The following MET variants were observed in gnomAD, a reference collection of about 807,000 sequenced individuals.
MET encodes MET proto-oncogene, receptor tyrosine kinase, also known as hepatocyte growth factor receptor.
MET carries 48 observed loss-of-function variants against 133.1 expected under a neutral mutation model. The observed-to-expected ratio is 0.36, with a 90% CI of 0.29 to 0.46. The LOEUF (loss-of-function observed/expected upper bound fraction) is 0.46. Among genes scored for constraint, MET ranks in the 20% least tolerant of loss-of-function variants. MET has a pLI of 1.00. For synonymous variants in MET, 628 were observed against 616.5 expected (o/e 1.02, Z -0.28); for missense variants, 1,442 against 1,695.9 (o/e 0.85, Z 2.63).
intron 2 of MET, among the ~76,000 whole-genome samples, chr7:116,728,358 T>C (rs1197468171): frequency 6.6e-6 from 1 of 152,174 alleles, no homozygotes; most frequent in Non-Finnish European, 1.5e-5. Context: ...GAGATACTAT[T>C]TAGAGATCTC....
chr7:116,783,454 C>G lies in MET; in HGVS notation c.3783C>G (p.Thr1261=), dbSNP rs1795213981. 1.2e-6 allele frequency: 2 copies of G among 1,614,114 alleles called. No individual in the cohort carries two copies. The highest frequency in any genetic ancestry group is 2.7e-5 in the African/African-American group (2 of 75,042). ...ALESLQTQKF[T]TKSDVWSFGV... ...AAAGTCTGCAAACTCAAAAGTTTAC[C>G]ACCAAGTCAGATGTGGTAATGTATT... is the stretch of plus-strand genomic sequence containing the variant. Residue 1261 remains threonine (T), a synonymous_variant, in exon 19 of 21, where the codon ACC becomes ACG. Coordinates refer to ENST00000397752, the MANE Select transcript of MET (RefSeq NM_000245.4).
Position 116,782,956 on chromosome 7 carries a change from T to C in MET, c.3633-348T>C, listed in dbSNP as rs138198060. On this transcript the variant is annotated intron_variant, in intron 18 of 20. Transcript: ENST00000397752. ...TAATCAGTTGACAAGCGAAGATTGGTGATTGCTTGGGTAGTTAATTAGCAT... is the reference window on the plus strand; with the variant it reads ...TAATCAGTTGACAAGCGAAGATTGGCGATTGCTTGGGTAGTTAATTAGCAT... 7.5e-4 allele frequency among the ~76,000 whole-genome samples: 114 copies of C among 152,334 alleles called. No homozygotes were observed. In the East Asian group the frequency reaches 0.02, roughly 27 times the overall value.
chr7:116,696,842 C>A (rs572499967), intron 1 of MET, among the ~76,000 whole-genome samples: 1 of 152,334 alleles, frequency 6.6e-6, no homozygotes, highest in South Asian at 2.1e-4. Flanking sequence ...ATACCTGACA[C>A]TCATGTGTCT....
At chr7:116,708,556 A>G (rs1442859159) in intron 2 of MET, among the ~76,000 whole-genome samples, 11 of 152,174 alleles carry the variant, frequency 7.2e-5, no homozygotes, top group Non-Finnish European at 1.5e-5. Context: ...GTGTTTAAAC[A>G]TTCTTTTGAT....
In MET at chr7:116,783,457, C is replaced by A. The variant is rs777402379; in HGVS notation, c.3786C>A (p.Thr1262=). 6.2e-7 allele frequency: 1 copy of A among 1,614,090 alleles called. No homozygotes were observed. The highest frequency in any genetic ancestry group is 2.2e-5 in the East Asian group (1 of 44,838). Residue 1262 remains threonine, a synonymous_variant, in exon 19 of 21, where the codon ACC becomes ACA. Coordinates refer to ENST00000397752, the MANE Select transcript of MET (RefSeq NM_000245.4). ...GTCTGCAAACTCAAAAGTTTACCAC[C>A]AAGTCAGATGTGGTAATGTATTGGT... is the stretch of plus-strand genomic sequence containing the variant. ...LESLQTQKFT[T]KSDVWSFGVL... is the part of the protein sequence containing the mutation.
rs377336878 is a variant in MET, at chr7:116,758,547, C to A, written c.2191C>A (p.Arg731=). 13 of 1,613,716 alleles carry A rather than the reference C, an allele frequency of 8.1e-6. No individual in the cohort carries two copies. Among genetic ancestry groups the A allele is most frequent in the African/African-American group, 8.0e-5 (6 of 74,976 alleles). ...TAAATTGAAAATTGACTTAGCCAACCGAGAGACAAGCATCTTCAGTTACCG... is the reference window on the plus strand; with the variant it reads ...TAAATTGAAAATTGACTTAGCCAACAGAGAGACAAGCATCTTCAGTTACCG... ...AVKLKIDLAN[R]ETSIFSYRED... Residue 731 remains arginine, a synonymous_variant, in exon 9 of 21, where the codon CGA becomes AGA. Coordinates refer to ENST00000397752, the MANE Select transcript of MET (RefSeq NM_000245.4).
At chr7:116,751,265 C>T (rs1793909495) in intron 5 of MET, among the ~76,000 whole-genome samples, 1 of 152,156 alleles carries the variant, frequency 6.6e-6, no homozygotes, top group South Asian at 2.1e-4. Flanking sequence ...AGTTCATGTC[C>T]TTTGCAGGGA....
rs1328454755 is a variant in MET at position 116,740,904 on chromosome 7, G to A, written c.1580G>A (p.Ser527Asn). The stretch of plus-strand genomic sequence containing the variant: ...GGCTGCAGACATTTCCAGTCCTGCA[G>A]TCAATGCCTCTCTGCCCCACCCTTT... ...GLGCRHFQSC[S>N]QCLSAPPFVQ... Residue 527 changes from serine (S) to asparagine (N), a missense_variant, in exon 5 of 21, where the codon AGT (serine) becomes AAT (asparagine). Physicochemically the swap from Ser to Asn is conservative, Grantham distance 46 (BLOSUM62 1). Transcript: ENST00000397752. 1.2e-6 allele frequency: 2 copies of A among 1,614,182 alleles called. No individual in the cohort carries two copies. The highest frequency in any genetic ancestry group is 1.7e-6 in the Non-Finnish European group (2 of 1,180,038).
intron 2 of MET, among the ~76,000 whole-genome samples, chr7:116,721,592 G>C (rs1187134285): frequency 6.6e-6 from 1 of 151,968 alleles, no homozygotes; most frequent in Non-Finnish European, 1.5e-5. Context: ...GTCAATTTTG[G>C]AACTTTCCTG....
intron 2 of MET, among the ~76,000 whole-genome samples, chr7:116,721,230 G>C (rs1049273278): frequency 1.3e-5 from 2 of 152,100 alleles, no homozygotes; most frequent in Non-Finnish European, 2.9e-5. Flanking sequence ...TGTATGTGTC[G>C]AGGAATTTAT....
intron 2 of MET, among the ~76,000 whole-genome samples, chr7:116,728,193 C>A (rs1293825986): frequency 1.3e-5 from 2 of 152,196 alleles, no homozygotes; most frequent in Non-Finnish European, 2.9e-5. Context: ...TTGAATGCCA[C>A]TTGAACCTGA....
chr7:116,786,418 TC>T (rs371083331), intron 19 of MET, among the ~76,000 whole-genome samples: 316 of 152,232 alleles, frequency 2.1e-3, no homozygotes, highest in African/African-American at 7.1e-3. Flanking sequence ...TATTCAGTAG[TC>T]CAAAAGCAAT....
At chr7:116,755,179 T>C (rs999436100) in intron 5 of MET, among the ~76,000 whole-genome samples, 176 bp from the exon 6 acceptor site, 1 of 152,226 alleles carries the variant, frequency 6.6e-6, no homozygotes, top group East Asian at 1.9e-4. Context: ...TTGTTCCAGA[T>C]GCTCTGAAAT....
intron 2 of MET, among the ~76,000 whole-genome samples, chr7:116,702,537 T>C (rs77546020): frequency 0.036 from 5,455 of 152,236 alleles, 328 homozygotes; most frequent in African/African-American, 0.12. Flanking sequence ...CAAAGCTGTT[T>C]AGCAGGACTC....
At chr7:116,757,588 A>G (rs1481127155) in intron 7 of MET, 49 bp downstream of exon 7, 1 of 1,613,174 alleles carries the variant, frequency 6.2e-7, no homozygotes, top group South Asian at 1.1e-5. Context: ...TAATCTATTT[A>G]AATTATAAGA....
intron 15 of MET, among the ~76,000 whole-genome samples, chr7:116,776,109 T>G (rs2117035880): frequency 6.6e-6 from 1 of 152,220 alleles, no homozygotes; most frequent in African/African-American, 2.4e-5. Context: ...TAATACTAAA[T>G]GGCCTCTGAT....
chr7:116,688,824 C>A (rs2116521280), intron 1 of MET, among the ~76,000 whole-genome samples: 1 of 152,178 alleles, frequency 6.6e-6, no homozygotes, highest in South Asian at 2.1e-4. Flanking sequence ...TAACAGGCAG[C>A]CATTTTCAAC....
intron 2 of MET, among the ~76,000 whole-genome samples, chr7:116,726,776 C>T (rs568966871): frequency 1.3e-5 from 2 of 152,204 alleles, no homozygotes; most frequent in Non-Finnish European, 2.9e-5. Context: ...GGAGCTTAGA[C>T]TTTTCCTGCA....
intron 10 of MET, among the ~76,000 whole-genome samples, chr7:116,759,926 C>T (rs1449434628): frequency 1.3e-5 from 2 of 152,108 alleles, no homozygotes; most frequent in Non-Finnish European, 2.9e-5. Context: ...CAGGCACGAG[C>T]CATCATGCCT....
Sources: allele counts gnomAD v4.1 joint callset (sites outside exome capture counted in the v4.1 genomes callset), GRCh38; gene constraint gnomAD v4.1.1; transcripts MANE v1.5; gene names NCBI Gene and HGNC (gene_info 2026-07-23, HGNC 2026-07-21).